XRCC2: variants seen among roughly 807,000 people sequenced by gnomAD.
The protein encoded by XRCC2 is DNA repair protein XRCC2.
XRCC2 carries 24 observed loss-of-function variants against 27.3 expected under a neutral mutation model. The ratio of observed to expected loss-of-function variants is 0.88; its 90% CI spans 0.64 to 1.24. XRCC2 has a LOEUF of 1.24. Among genes scored for constraint, XRCC2 ranks in the 50% most tolerant of loss-of-function variants. XRCC2 has a pLI of 0.00. For missense variants in XRCC2, 321 were observed against 325.8 expected (o/e 0.99, Z 0.11); for synonymous variants, 106 against 115.4 (o/e 0.92, Z 0.52).
chr7:152,655,431 G>T (rs1262326714), intron 2 of XRCC2, among the ~76,000 whole-genome samples: 1 of 152,208 alleles, frequency 6.6e-6, no homozygotes, highest in Non-Finnish European at 1.5e-5. Context: ...TTTACAGGTT[G>T]GGCGTGGTGG....
At chr7:152,666,450 A>G (rs556201697) in intron 1 of XRCC2, among the ~76,000 whole-genome samples, 1 of 152,038 alleles carries the variant, frequency 6.6e-6, no homozygotes, top group South Asian at 2.1e-4. Flanking sequence ...GGACTCAAGC[A>G]GTTCTCCCAC....
At chr7:152,649,411 AG>A in intron 2 of XRCC2, 48 bp from the exon 3 acceptor site, 1 of 1,507,426 alleles carries the variant, frequency 6.6e-7, no homozygotes, top group Admixed American at 2.3e-5. Flanking sequence ...GCTCAAGGGT[AG>A]GTTACAAAAT....
chr7:152,667,915 C>T (rs1287404962), intron 1 of XRCC2, among the ~76,000 whole-genome samples: 1 of 151,318 alleles, frequency 6.6e-6, no homozygotes, highest in East Asian at 1.9e-4. Flanking sequence ...GTAATCCTAG[C>T]TACTCGGGAG....
chr7:152,657,761 T>A (rs974663537), intron 2 of XRCC2, among the ~76,000 whole-genome samples: 1 of 152,306 alleles, frequency 6.6e-6, no homozygotes, highest in South Asian at 2.1e-4. Context: ...TTAGAAATTA[T>A]GATCTTACTT....
At chr7:152,658,632 T>C (rs1437406909) in intron 2 of XRCC2, among the ~76,000 whole-genome samples, 1 of 152,254 alleles carries the variant, frequency 6.6e-6, no homozygotes, top group African/African-American at 2.4e-5. Flanking sequence ...TTTACTTTCT[T>C]TTCTGTGAAT....
In XRCC2 at chr7:152,653,361, CA is replaced by C. The variant is rs539875966; in HGVS notation, c.122-3999del. ...CCAGTCTTGGGTATGTCTTTATCAG[CA>C]GCGTAAAAATGGACTAATACAGCAG... On this transcript the variant is annotated intron_variant, in intron 2 of 2. Transcript: ENST00000359321. 1.6e-4 allele frequency among the ~76,000 whole-genome samples: 24 copies of C among 152,282 alleles called. No individual in the cohort carries two copies. The East Asian group carries it at 3.9e-3, about 24-fold the overall frequency.
intron 2 of XRCC2, among the ~76,000 whole-genome samples, chr7:152,656,098 T>C (rs1189642664): frequency 1.3e-5 from 2 of 152,086 alleles, no homozygotes; most frequent in Non-Finnish European, 2.9e-5. Context: ...TCAGGACAAA[T>C]AGCCAGGACA....
rs891051189 is a variant in XRCC2, at chr7:152,648,580, T to C, written c.*62A>G. 10 of 1,503,508 alleles carry C rather than the reference T, an allele frequency of 6.7e-6. No homozygotes were observed. The African/African-American group carries it at 1.3e-4, about 19-fold the overall frequency. 93.1% of individuals were successfully genotyped at this position (1,503,508 alleles called of 1,614,324 possible). A position where few individuals can be genotyped will look rare whatever the true frequency, so the allele number is the denominator to read the frequency against. ...CAGCCTGGGAGACAGAGCAAGACTC[T>C]GTCTTAAGAAAAATTTTAAGGCTTG... On this transcript the variant is annotated 3_prime_UTR_variant, in exon 3 of 3. Coordinates refer to ENST00000359321, the MANE Select transcript of XRCC2 (RefSeq NM_005431.2).
At chr7:152,651,544 A>C (rs1248592835) in intron 2 of XRCC2, among the ~76,000 whole-genome samples, 1 of 152,066 alleles carries the variant, frequency 6.6e-6, no homozygotes, top group African/African-American at 2.4e-5. Context: ...GTGAGCCAAG[A>C]CTGCACCAAA....
Position 152,649,268 on chromosome 7 carries a change from C to T in XRCC2, c.217G>A (p.Gly73Ser). 2 of 1,613,712 alleles carry T rather than the reference C, an allele frequency of 1.2e-6. No homozygotes were observed. The highest frequency in any genetic ancestry group is 1.7e-6 in the Non-Finnish European group (2 of 1,180,020). The change falls in exon 3 of 3, where the codon GGC (glycine) becomes AGC (serine). Residue 73 changes from glycine to serine, a missense_variant. Transcript: ENST00000359321. ...ARCILPKSEG[G>S]LEVEVLFIDT... The stretch of plus-strand genomic sequence containing the variant: ...ATAAATAAGACTTCTACTTCCAGGC[C>T]ACCTTCTGATTTGGGAAGTATACAT...
chr7:152,659,590 A>T (rs1447345841), intron 2 of XRCC2, among the ~76,000 whole-genome samples: 1 of 151,668 alleles, frequency 6.6e-6, no homozygotes, highest in Non-Finnish European at 1.5e-5. Flanking sequence ...TAAATCAAAA[A>T]CCACAAAGAG....
intron 1 of XRCC2, among the ~76,000 whole-genome samples, chr7:152,662,635 G>A (rs1450893520): frequency 7.0e-6 from 1 of 142,772 alleles, no homozygotes; most frequent in South Asian, 2.3e-4. Context: ...TGCAGTGGCG[G>A]GATCTCGGCT....
chr7:152,661,337 A>C (rs969383711), intron 1 of XRCC2, among the ~76,000 whole-genome samples: 1 of 152,156 alleles, frequency 6.6e-6, no homozygotes, highest in African/African-American at 2.4e-5. Context: ...GCTATGGCAA[A>C]ATTTTTACCT....
At chr7:152,663,062 TAGATG>T (rs1590135206) in intron 1 of XRCC2, among the ~76,000 whole-genome samples, 1 of 152,110 alleles carries the variant, frequency 6.6e-6, no homozygotes, top group African/African-American at 2.4e-5. Flanking sequence ...CTCAGTCCTC[TAGATG>T]AGATTATGTC....
intron 1 of XRCC2, among the ~76,000 whole-genome samples, chr7:152,665,801 T>C (rs931730890): frequency 6.6e-6 from 1 of 152,028 alleles, no homozygotes; most frequent in Admixed American, 6.6e-5. Flanking sequence ...AGATTTTATA[T>C]CCCACATTGT....
intron 2 of XRCC2, among the ~76,000 whole-genome samples, chr7:152,651,545 C>A (rs926102764): frequency 6.6e-6 from 1 of 152,016 alleles, no homozygotes; most frequent in Non-Finnish European, 1.5e-5. Flanking sequence ...TGAGCCAAGA[C>A]TGCACCAAAT....
intron 1 of XRCC2, among the ~76,000 whole-genome samples, chr7:152,665,925 T>C (rs3111471): frequency 0.38 from 57,712 of 152,010 alleles, 12,601 homozygotes; most frequent in Non-Finnish European, 0.47. Flanking sequence ...CAACGTGACT[T>C]TCTCTGAGAG....
chr7:152,666,624 T>A (rs543264371), intron 1 of XRCC2, among the ~76,000 whole-genome samples: 19 of 151,258 alleles, frequency 1.3e-4, no homozygotes, highest in African/African-American at 3.1e-4. Flanking sequence ...TTCTTTATTT[T>A]TTTTTTTTTT....
intron 2 of XRCC2, among the ~76,000 whole-genome samples, chr7:152,655,491 T>G (rs2098030329): frequency 6.6e-6 from 1 of 151,958 alleles, no homozygotes; most frequent in Non-Finnish European, 1.5e-5. Context: ...GGCAGATGGC[T>G]TGAGCCCAGG....
Sources: allele counts gnomAD v4.1 joint callset (sites outside exome capture counted in the v4.1 genomes callset), GRCh38; gene constraint gnomAD v4.1.1; transcripts MANE v1.5; gene names NCBI Gene and HGNC (gene_info 2026-07-23, HGNC 2026-07-21).